Variants in KPNA3 observed in about 807,000 individuals in gnomAD.
KPNA3 encodes the protein karyopherin subunit alpha 3.
Under a neutral mutation model 73.8 loss-of-function variants are expected in KPNA3, and 13 were observed. The ratio of observed to expected loss-of-function variants is 0.18; its 90% CI spans 0.11 to 0.28. KPNA3 has a LOEUF of 0.28. Among genes scored for constraint, KPNA3 ranks in the 10% least tolerant of loss-of-function variants. KPNA3 has a pLI of 1.00. For synonymous variants in KPNA3, 186 were observed against 206.9 expected, an observed-to-expected ratio of 0.90 and a Z score of 0.87; for missense variants, 360 against 618.1, an observed-to-expected ratio of 0.58 and a Z score of 4.43.
intron 1 of KPNA3, among the ~76,000 whole-genome samples, chr13:49,747,419 A>C (rs948644252): frequency 3.3e-5 from 5 of 152,168 alleles, no homozygotes; most frequent in Non-Finnish European, 5.9e-5. Context: ...GGCTGGGTGC[A>C]GTGGCTCACA....
At chr13:49,745,924 G>A (rs573459998) in intron 2 of KPNA3, among the ~76,000 whole-genome samples, 2 of 151,334 alleles carry the variant, frequency 1.3e-5, no homozygotes, top group South Asian at 2.1e-4. Flanking sequence ...TTAGCCGGAC[G>A]AGGTGGTGGA....
intron 2 of KPNA3, among the ~76,000 whole-genome samples, chr13:49,735,053 C>T (rs1190577614): frequency 1.3e-5 from 2 of 151,962 alleles, no homozygotes; most frequent in Non-Finnish European, 2.9e-5. Context: ...CATTGGGTAA[C>T]AACCCCTGCA....
At chr13:49,715,308 T>G (rs1954294930) in intron 10 of KPNA3, among the ~76,000 whole-genome samples, 1 of 152,078 alleles carries the variant, frequency 6.6e-6, no homozygotes, top group Admixed American at 6.5e-5. Context: ...TCTTAAAACC[T>G]AAGAAAAAGA....
chr13:49,736,465 C>A (rs1341965770), intron 2 of KPNA3, among the ~76,000 whole-genome samples: 1 of 152,116 alleles, frequency 6.6e-6, no homozygotes, highest in East Asian at 1.9e-4. Context: ...TATCAAATAG[C>A]TGCTTTTTTC....
chr13:49,789,093 TG>T (rs1359617987), intron 1 of KPNA3, among the ~76,000 whole-genome samples: 1 of 152,190 alleles, frequency 6.6e-6, no homozygotes, highest in Non-Finnish European at 1.5e-5. Flanking sequence ...ATTACTGCCC[TG>T]TCACCCTTTC....
At chr13:49,742,241 G>C (rs1353189450) in intron 2 of KPNA3, among the ~76,000 whole-genome samples, 2 of 152,146 alleles carry the variant, frequency 1.3e-5, no homozygotes, top group African/African-American at 4.8e-5. Context: ...ATTCTTGCGT[G>C]TCAGAGCATA....
chr13:49,708,902 C>G (rs545378424), intron 12 of KPNA3, among the ~76,000 whole-genome samples: 1 of 152,276 alleles, frequency 6.6e-6, no homozygotes, highest in South Asian at 2.1e-4. Flanking sequence ...TGGGTCCAAA[C>G]TAATTTTGCT....
chr13:49,768,430 T>G (rs1268741413), intron 1 of KPNA3, among the ~76,000 whole-genome samples: 1 of 152,158 alleles, frequency 6.6e-6, no homozygotes, highest in African/African-American at 2.4e-5. Flanking sequence ...TTAATCGGGA[T>G]GCTTTAGTCA....
chr13:49,751,396 C>T (rs1954662036), intron 1 of KPNA3, among the ~76,000 whole-genome samples: 1 of 152,210 alleles, frequency 6.6e-6, no homozygotes, highest in Non-Finnish European at 1.5e-5. Flanking sequence ...GAGTAAGCCA[C>T]CATCATCTAA....
rs1954436918 is a variant in KPNA3 at position 49,728,993 on chromosome 13, G to GA, written c.383+3377dup. On this transcript the variant is annotated intron_variant, in intron 6 of 16. Coordinates refer to ENST00000261667, the MANE Select transcript of KPNA3 (RefSeq NM_002267.4). ...TCTAGTTTTCTTCAGTTAATATCAT[G>GA]AAAAAGACTGCGCTGACATGGTTAA... Among the ~76,000 whole-genome samples the GA allele has an allele frequency of 3.9e-5, 6 of 152,256 alleles. No individual in the cohort carries two copies. The South Asian group carries it at 1.2e-3, about 32-fold the overall frequency.
chr13:49,772,026 T>C (rs1954860052), intron 1 of KPNA3, among the ~76,000 whole-genome samples: 1 of 152,236 alleles, frequency 6.6e-6, no homozygotes, highest in Non-Finnish European at 1.5e-5. Context: ...ACTGATCTTG[T>C]ATCCTGCAAC....
At chr13:49,731,844 A>C (rs1954472883) in intron 6 of KPNA3, among the ~76,000 whole-genome samples, 1 of 152,156 alleles carries the variant, frequency 6.6e-6, no homozygotes, top group South Asian at 2.1e-4. Flanking sequence ...GGTAAATATA[A>C]CCTGTCCCCT....
At chr13:49,762,352 C>CG (rs1226472680) in intron 1 of KPNA3, among the ~76,000 whole-genome samples, 3 of 152,206 alleles carry the variant, frequency 2.0e-5, no homozygotes, top group African/African-American at 7.2e-5. Flanking sequence ...GCCACCACTC[C>CG]GTCTGGGAAG....
intron 1 of KPNA3, among the ~76,000 whole-genome samples, chr13:49,753,409 AACAACTGTTATAAAC>A (rs1207781324): frequency 6.6e-6 from 1 of 152,254 alleles, no homozygotes; most frequent in Non-Finnish European, 1.5e-5. Flanking sequence ...CAAGTGGCAA[AACAACTGTTATAAAC>A]ACAACTCAAG....
intron 1 of KPNA3, among the ~76,000 whole-genome samples, chr13:49,754,149 T>C (rs1225220588): frequency 6.6e-6 from 1 of 151,822 alleles, no homozygotes; most frequent in Non-Finnish European, 1.5e-5. Context: ...ATACAAAAAA[T>C]AGCCGGGTGT....
intron 7 of KPNA3, among the ~76,000 whole-genome samples, chr13:49,722,845 A>AAAT (rs922208761): frequency 6.6e-6 from 1 of 150,930 alleles, no homozygotes; most frequent in African/African-American, 2.4e-5. Flanking sequence ...AAAAAAAAAA[A>AAAT]AAAAAAAGAG....
At chr13:49,746,826 C>T in intron 2 of KPNA3, 123 bp downstream of exon 2, 2 of 676,096 alleles carry the variant, frequency 3.0e-6, no homozygotes, top group South Asian at 3.5e-5. Context: ...GATAAAGTAT[C>T]CAGTGATGTG....
intron 6 of KPNA3, 133 bp from the exon 7 acceptor site, chr13:49,725,634 T>C: frequency 2.0e-6 from 1 of 500,134 alleles, no homozygotes; most frequent in South Asian, 3.7e-5. Flanking sequence ...AATTGCCTGC[T>C]AGCCAACCCT....
intron 1 of KPNA3, among the ~76,000 whole-genome samples, chr13:49,777,589 C>T (rs1954907720): frequency 6.6e-6 from 1 of 152,082 alleles, no homozygotes; most frequent in Admixed American, 6.5e-5. Flanking sequence ...AAGCCTTGAC[C>T]TCCTCAGGTC....
Sources: gnomAD v4.1 joint callset for allele counts (sites outside exome capture counted in the v4.1 genomes callset) on GRCh38, gnomAD v4.1.1 for gene constraint, MANE v1.5 for transcripts, NCBI Gene and HGNC (gene_info 2026-07-23, HGNC 2026-07-21) for gene names.